The following SPTBN5 variants were observed in gnomAD, a reference collection of about 807,000 sequenced individuals.
SPTBN5 encodes the protein spectrin beta, non-erythrocytic 5, also known as spectrin beta chain, non-erythrocytic 5.
In SPTBN5, 513 loss-of-function variants were observed where a neutral mutation model predicts 477.6. The ratio of observed to expected loss-of-function variants is 1.07; its 90% CI spans 1.00 to 1.16. SPTBN5 has a LOEUF of 1.16. Ranked by LOEUF, SPTBN5 falls within the 50% of genes most tolerant of loss-of-function variation. The probability of loss-of-function intolerance (pLI) is 0.00; values close to 1 mark genes in which losing one functional copy is unlikely to be tolerated. For synonymous variants in SPTBN5, 2,169 were observed against 2,011.7 expected (o/e 1.08, Z -2.09); for missense variants, 5,062 against 4,731.8 (o/e 1.07, Z -2.05).
intron 62 of SPTBN5, 162 bp from the exon 63 acceptor site, chr15:41,852,012 G>T: frequency 2.1e-6 from 2 of 938,252 alleles, no homozygotes; most frequent in Non-Finnish European, 3.2e-6. Flanking sequence ...GCATGTTCAG[G>T]GTGGTATGGC....
intron 39 of SPTBN5, 142 bp downstream of exon 39, chr15:41,865,666 G>C (rs919397435): frequency 8.4e-6 from 6 of 711,126 alleles, no homozygotes; most frequent in African/African-American, 1.8e-5. Context: ...AGGCGGGTGA[G>C]AGGAGGGAGC....
intron 33 of SPTBN5, 32 bp from the exon 34 acceptor site, chr15:41,868,250 G>T: frequency 6.3e-7 from 1 of 1,577,152 alleles, no homozygotes. Flanking sequence ...GCCTCAGCTG[G>T]GGAGGGTGGT....
In SPTBN5 at chr15:41,857,632, A is replaced by G. The variant is rs568555143; in HGVS notation, c.8305T>C (p.Trp2769Arg). The change falls in exon 50 of 68, where the codon TGG (tryptophan) becomes CGG (arginine). Residue 2769 changes from tryptophan (W) to arginine (R), a missense_variant. Physicochemically the swap from Trp to Arg is moderately radical, Grantham distance 101. Transcript: ENST00000320955. ...TGGGAGTTGTCTTGCAGCTCACCCC[A>G]GAGTGCTCCCAGCTCCTCCAGTCGC... The part of the protein sequence containing the change: ...QERLEELGAL[W>R]GELQDNSQKK... 4.1e-5 allele frequency: 66 copies of G among 1,602,720 alleles called. No individual in the cohort carries two copies. In the Admixed American group the frequency reaches 7.8e-4, roughly 19 times the overall value.
chr15:41,893,146 C>T, intron 2 of SPTBN5, 85 bp from the exon 3 acceptor site: 2 of 1,570,900 alleles, frequency 1.3e-6, no homozygotes, highest in South Asian at 1.1e-5. Context: ...CGACCCAGAG[C>T]AGCTGCTTTG....
At position 41,853,282 on chromosome 15, in the gene SPTBN5, G is replaced by A. The variant is rs911742561; in HGVS notation, c.10146C>T (p.Asp3382=). The A allele has an allele frequency of 2.5e-6, 4 of 1,608,986 alleles. No individual in the cohort carries two copies. The African/African-American group carries it at 5.3e-5, about 21-fold the overall frequency. ...CCTCCGCAGACATGAAGTGGCTGTT[G>A]TCCACCAGCTGCTGTCCTTCCTGCC... ...DLRQEGQQLV[D]NSHFMSAEVT... The change falls in exon 59 of 68, where the codon GAC becomes GAT. Residue 3382 remains aspartate, a synonymous_variant. Transcript: ENST00000320955.
chr15:41,856,925 C>G lies in SPTBN5; in HGVS notation c.8736G>C (p.Lys2912Asn), dbSNP rs771922264. Residue 2912 changes from lysine (K) to asparagine (N), a missense_variant, in exon 52 of 68, where the codon AAG (lysine) becomes AAC (asparagine). Transcript: ENST00000320955. ...ADEEMAWVQE[K>N]LPLAAAQDYG... ...AGTCCTGGGCAGCGGCCAGAGGCAG[C>G]TTCTCCTGCACCCAGGCCATTTCCT... is the stretch of plus-strand genomic sequence containing the variant. The G allele has an allele frequency of 6.4e-7, 1 of 1,563,570 alleles. No individual in the cohort carries two copies. The highest frequency in any genetic ancestry group is 8.7e-7 in the Non-Finnish European group (1 of 1,154,614).
At position 41,866,028 on chromosome 15, in the gene SPTBN5, G is replaced by A. The variant is rs2066295636; in HGVS notation, c.6822+10C>T. ...CCCATCTCTCAGCCCCCACCCAGCT[G>A]GGGCTACACCTTCTCCTGGATCCAG... On this transcript the variant is annotated intron_variant, in intron 38 of 67. Coordinates refer to ENST00000320955, the MANE Select transcript of SPTBN5 (RefSeq NM_016642.4). 5.8e-6 allele frequency: 9 copies of A among 1,551,138 alleles called. No homozygotes were observed. The highest frequency in any genetic ancestry group is 7.8e-6 in the Non-Finnish European group (9 of 1,147,734).
chr15:41,872,499 G>T (rs547793258), intron 26 of SPTBN5, 40 bp from the exon 27 acceptor site: 93 of 1,532,798 alleles, frequency 6.1e-5, no homozygotes, highest in Middle Eastern at 5.3e-4. Context: ...CAGCCTGGGT[G>T]ACTCATCCAC....
intron 21 of SPTBN5, 42 bp from the exon 22 acceptor site, chr15:41,875,664 T>G (rs1348199642): frequency 1.3e-6 from 2 of 1,534,924 alleles, no homozygotes; most frequent in Non-Finnish European, 1.8e-6. Context: ...GCTGAGCTGC[T>G]GGTACCACCA....
intron 61 of SPTBN5, 104 bp from the exon 62 acceptor site, chr15:41,852,420 G>A: frequency 1.4e-6 from 2 of 1,440,434 alleles, no homozygotes; most frequent in Admixed American, 4.5e-5. Context: ...GGTCAGAGGG[G>A]GCCTGCCTCC....
intron 61 of SPTBN5, 133 bp from the exon 62 acceptor site, chr15:41,852,449 G>A (rs2065797482): frequency 7.2e-7 from 1 of 1,379,648 alleles, no homozygotes. Flanking sequence ...AGCTCTTTCA[G>A]CTTTGGCTCT....
rs146672510 is a variant in SPTBN5, at chr15:41,848,613, A to C, written c.*3T>G. On this transcript the variant is annotated 3_prime_UTR_variant, in exon 68 of 68. Transcript: ENST00000320955. ...GAAGTTTGGTGTTGCACTGGGGTTC[A>C]CCTCAGGGATCAGACCTGTTGGGAA... 20 of 1,613,876 alleles carry C rather than the reference A, an allele frequency of 1.2e-5. 1 individual carries two copies. In the South Asian group the frequency reaches 2.1e-4, roughly 17 times the overall value.
chr15:41,875,421 G>T (rs551820241), intron 22 of SPTBN5, 37 bp downstream of exon 22: 2 of 1,596,888 alleles, frequency 1.3e-6, no homozygotes, highest in East Asian at 2.2e-5. Flanking sequence ...CCAGGCCTCC[G>T]TCTCCCTCTT....
Position 41,855,617 on chromosome 15 carries a change from C to T in SPTBN5, c.9150G>A (p.Ala3050=), listed in dbSNP as rs371680421. The change falls in exon 54 of 68, where the codon GCG becomes GCA. Residue 3050 remains alanine (A), a synonymous_variant. Coordinates refer to ENST00000320955, the MANE Select transcript of SPTBN5 (RefSeq NM_016642.4). ...RLEATKRDLE[A]FSPRIERLQQ... is the part of the protein sequence containing the mutation. ...GCAGCCGCTCGATGCGTGGGCTGAA[C>T]GCTTCCAGGTCTCTCTTGGTGGCCT... The T allele has an allele frequency of 2.8e-5, 45 of 1,611,040 alleles. No individual in the cohort carries two copies. The highest frequency in any genetic ancestry group is 8.3e-5 in the Admixed American group (5 of 59,968).
In SPTBN5 at chr15:41,892,813, G is replaced by C. The variant is rs546139574; in HGVS notation, c.384+81C>G. ...CCTCTGTTCTGCCCAGTGGCCTGGC[G>C]CAGGAAAGGTGACCCAGTAGTTCAG... is the stretch of plus-strand genomic sequence containing the variant. On this transcript the variant is annotated intron_variant, in intron 3 of 67. Transcript: ENST00000320955. The C allele has an allele frequency of 2.1e-6, 3 of 1,461,404 alleles. No individual in the cohort carries two copies. In the African/African-American group the frequency reaches 4.2e-5, roughly 21 times the overall value. 90.5% of individuals were successfully genotyped at this position (1,461,404 alleles called of 1,614,324 possible).
chr15:41,870,687 C>T lies in SPTBN5; in HGVS notation c.5448-127G>A, dbSNP rs920859839. ...CGGGACTTGCCCAAAGCTCCTCCTT[C>T]TTAAAACCTCTCCCGCCTGTGGCCC... On this transcript the variant is annotated intron_variant, in intron 29 of 67. Coordinates refer to ENST00000320955, the MANE Select transcript of SPTBN5 (RefSeq NM_016642.4). 6.9e-6 allele frequency: 5 copies of T among 721,478 alleles called. No individual in the cohort carries two copies. The African/African-American group carries it at 8.9e-5, about 13-fold the overall frequency. The allele number at this position is 721,478 out of a possible 1,614,324, so 44.7% of individuals were successfully genotyped here. A position where few individuals can be genotyped will look rare whatever the true frequency, so the allele number is the denominator to read the frequency against.
chr15:41,860,717 C>T lies in SPTBN5; in HGVS notation c.7857G>A (p.Lys2619=). 1 of 1,601,464 alleles carries T rather than the reference C, an allele frequency of 6.2e-7. No homozygotes were observed. The highest frequency in any genetic ancestry group is 8.5e-7 in the Non-Finnish European group (1 of 1,174,784). The change falls in exon 47 of 68, where the codon AAG becomes AAA. Residue 2619 remains lysine, a synonymous_variant. Transcript: ENST00000320955. The part of the protein sequence containing the change: ...APMEPLLWKH[K]MLEWDLEVQA... Reference sequence around the variant, plus strand: ...GCACCTCCAGGTCCCACTCCAGCATCTTGTGCTTCCACAGAAGGGGCTCCA... The same window carrying T: ...GCACCTCCAGGTCCCACTCCAGCATTTTGTGCTTCCACAGAAGGGGCTCCA...
In SPTBN5 at chr15:41,876,906, C is replaced by A; in HGVS notation, c.3754G>T (p.Glu1252Ter). The change falls in exon 19 of 68, where the codon GAG becomes TAG. Residue 1252 changes from glutamate (E) to a stop codon, truncating the protein, a stop_gained. Coordinates refer to ENST00000320955, the MANE Select transcript of SPTBN5 (RefSeq NM_016642.4). LOFTEE classifies it high-confidence loss of function. The part of the protein sequence containing the change: ...EALSLLQQHR[E>*]FGRLLSTLGP... The stretch of plus-strand genomic sequence containing the variant: ...AGGGTGCTCAGGAGCCGCCCAAACT[C>A]CCGGTGCTGCTGCAGCAGGCTCAGG... 6.2e-7 allele frequency: 1 copy of A among 1,610,366 alleles called. No homozygotes were observed. The highest frequency in any genetic ancestry group is 8.5e-7 in the Non-Finnish European group (1 of 1,179,642).
chr15:41,877,395 G>C lies in SPTBN5; in HGVS notation c.3471-39C>G, dbSNP rs751470351. ...CAGGCAGAGAGTCAAACCCCAGCAG[G>C]CTCCCTCGTCAGCCTCCTTCTCCTC... On this transcript the variant is annotated intron_variant, in intron 17 of 67. Coordinates refer to ENST00000320955, the MANE Select transcript of SPTBN5 (RefSeq NM_016642.4). 7 of 1,586,222 alleles carry C rather than the reference G, an allele frequency of 4.4e-6. No individual in the cohort carries two copies. The South Asian group carries it at 4.5e-5, about 10-fold the overall frequency.
Sources: gnomAD v4.1 joint callset for allele counts on GRCh38, gnomAD v4.1.1 for gene constraint, MANE v1.5 for transcripts, NCBI Gene and HGNC (gene_info 2026-07-23, HGNC 2026-07-21) for gene names.